The following PHLDA1 variants were observed in gnomAD, a reference collection of about 807,000 sequenced individuals.
PHLDA1 encodes the protein pleckstrin homology-like domain family A member 1.
In PHLDA1, 28 loss-of-function variants were observed where a neutral mutation model predicts 33.8. That is an observed-to-expected ratio of 0.83 (90% CI 0.61 to 1.14). The LOEUF (loss-of-function observed/expected upper bound fraction) is 1.14. PHLDA1 is among the 50% of genes most tolerant of loss of function. PHLDA1 has a pLI of 0.00. For missense variants in PHLDA1, 595 were observed against 548.6 expected (o/e 1.08, Z -0.84); for synonymous variants, 271 against 243.6 (o/e 1.11, Z -1.05).
Position 76,031,351 on chromosome 12 carries a change from C to T in PHLDA1, c.391G>A (p.Glu131Lys), listed in dbSNP as rs778473496. Residue 131 changes from glutamate to lysine, a missense_variant, in exon 1 of 2, where the codon GAG (glutamate) becomes AAG (lysine). By Grantham distance (56) the Glu-to-Lys change is moderately conservative. Around this residue, in one of 3 missense-constraint regions of PHLDA1, gnomAD observed 263 missense variants for 232.3 expected, o/e 1.13. Coordinates refer to ENST00000266671, the Ensembl canonical transcript of PHLDA1. The surrounding 1 kb of genome is among the most constrained non-coding windows in gnomAD (Gnocchi z 5.4). Reference sequence around the variant, plus strand: ...GCATAAGAGGGGCCGCCGCTTGGCTCGGCCTCTCCGTTTCCAGCCGCGCGG... The same window carrying T: ...GCATAAGAGGGGCCGCCGCTTGGCTTGGCCTCTCCGTTTCCAGCCGCGCGG... 1 of 1,611,328 alleles carries T rather than the reference C, an allele frequency of 6.2e-7. No homozygotes were observed. The highest frequency in any genetic ancestry group is 1.1e-5 in the South Asian group (1 of 90,862).
In PHLDA1 at chr12:76,031,294, C is replaced by A. The variant is rs751337238; in HGVS notation, c.448G>T (p.Ala150Ser). Residue 150 changes from alanine (A) to serine (S), a missense_variant, in exon 1 of 2, where the codon GCG becomes TCG. By Grantham distance (99) the Ala-to-Ser change is moderately conservative. Coordinates refer to ENST00000266671, the Ensembl canonical transcript of PHLDA1. The surrounding 1 kb of genome is among the most constrained non-coding windows in gnomAD (Gnocchi z 5.4). ...TTCTCCAGCACGCCCTCCTTCAGCGCTTTGCAGCCGCTACTCTCCAGCATC... is the reference window on the plus strand; with the variant it reads ...TTCTCCAGCACGCCCTCCTTCAGCGATTTGCAGCCGCTACTCTCCAGCATC... The A allele has an allele frequency of 3.1e-6, 5 of 1,613,488 alleles. No homozygotes were observed. Among genetic ancestry groups the A allele is most frequent in the Non-Finnish European group, 3.4e-6 (4 of 1,179,874 alleles).
chr12:76,030,720 G>T, exon 1 of PHLDA1: 2 of 1,185,332 alleles, frequency 1.7e-6, no homozygotes, highest in Non-Finnish European at 2.5e-6. Context: ...CTGAGGCTTG[G>T]GTTGGGGCTG....
intron 1 of PHLDA1, 160 bp downstream of exon 1, chr12:76,030,350 C>T (rs1870864179): frequency 6.2e-6 from 4 of 643,974 alleles, no homozygotes; most frequent in South Asian, 4.0e-5. Context: ...GCCCAGCTCT[C>T]CTGGCCCCAG....
chr12:76,031,567 C>G lies in PHLDA1; in HGVS notation c.175G>C (p.Gly59Arg), dbSNP rs781720454. 4.5e-6 allele frequency: 7 copies of G among 1,567,658 alleles called. No homozygotes were observed. The highest frequency in any genetic ancestry group is 3.7e-5 in the Admixed American group (2 of 54,146). Residue 59 changes from glycine to arginine, a missense_variant, in exon 1 of 2, where the codon GGC becomes CGC. By Grantham distance (125) the Gly-to-Arg change is moderately radical. This residue lies in a region of PHLDA1 where 263 missense variants were observed against 232.3 expected (regional missense o/e 1.13). Coordinates refer to ENST00000266671, the Ensembl canonical transcript of PHLDA1. The surrounding 1 kb of genome is among the most constrained non-coding windows in gnomAD (Gnocchi z 5.4). The stretch of plus-strand genomic sequence containing the variant: ...GAGCTCCGAGCTGCCGGGCCTCTGC[C>G]GTCCTCTTGCGAGCGCTCACTGAAG...
At chr12:76,025,797 T>G (rs995253000) in exon 2 of PHLDA1, 4 of 152,234 alleles carry the variant, frequency 2.6e-5, no homozygotes, top group Non-Finnish European at 5.9e-5. Flanking sequence ...TGCAGAGCAG[T>G]GGAGAGTAGG....
exon 2 of PHLDA1, chr12:76,028,032 TG>T (rs1870814388): frequency 6.6e-6 from 1 of 151,984 alleles, no homozygotes; most frequent in Non-Finnish European, 1.5e-5. Flanking sequence ...GAAAAAACTG[TG>T]GTTCATTTGG....
At position 76,031,568 on chromosome 12, in the gene PHLDA1, G is replaced by A. The variant is rs1195476316; in HGVS notation, c.174C>T (p.Asp58=). ...AGCTCCGAGCTGCCGGGCCTCTGCCGTCCTCTTGCGAGCGCTCACTGAAGG... is the reference window on the plus strand; with the variant it reads ...AGCTCCGAGCTGCCGGGCCTCTGCCATCCTCTTGCGAGCGCTCACTGAAGG... Residue 58 remains aspartate (D), a synonymous_variant, in exon 1 of 2, where the codon GAC becomes GAT. Coordinates refer to ENST00000266671, the Ensembl canonical transcript of PHLDA1. The surrounding 1 kb of genome is among the most constrained non-coding windows in gnomAD (Gnocchi z 5.4). 12 of 1,568,952 alleles carry A rather than the reference G, an allele frequency of 7.6e-6. No homozygotes were observed. Among genetic ancestry groups the A allele is most frequent in the African/African-American group, 1.4e-5 (1 of 71,174 alleles).
In PHLDA1 at chr12:76,031,606, C is replaced by T. The variant is rs1870914019; in HGVS notation, c.136G>A (p.Ala46Thr). 2.5e-6 allele frequency: 4 copies of T among 1,572,098 alleles called. No individual in the cohort carries two copies. The highest frequency in any genetic ancestry group is 1.4e-5 in the African/African-American group (1 of 71,448). ...CGCTCACTGAAGGGCACTGGCCGGG[C>T]CCCCTCGCGGCGCTTTTGAATGGGC... Residue 46 changes from alanine to threonine, a missense_variant, in exon 1 of 2, where the codon GCC (alanine) becomes ACC (threonine). Physicochemically the swap from Ala to Thr is moderately conservative, Grantham distance 58. This residue lies in a region of PHLDA1 where 263 missense variants were observed against 232.3 expected (regional missense o/e 1.13). Coordinates refer to ENST00000266671, the Ensembl canonical transcript of PHLDA1. The surrounding 1 kb of genome is among the most constrained non-coding windows in gnomAD (Gnocchi z 5.4).
exon 2 of PHLDA1, chr12:76,028,260 A>G (rs1230652767): frequency 6.6e-6 from 1 of 152,194 alleles, no homozygotes; most frequent in African/African-American, 2.4e-5. Context: ...ACATATTCAT[A>G]TATGTGTATA....
At chr12:76,030,687 G>A in exon 1 of PHLDA1, 1 of 1,159,172 alleles carries the variant, frequency 8.6e-7, no homozygotes, top group Non-Finnish European at 1.3e-6. Context: ...ATGTGGATGC[G>A]GATACGGGTG....
chr12:76,031,145 CTGCTGCTGCTGT>C lies in PHLDA1; in HGVS notation c.585_596del (p.Gln201_Gln204del), dbSNP rs771951057. Reference sequence around the variant, plus strand: ...CCTGCCCGGGCTGTTGTTGCTGCTGCTGCTGCTGCTGTTGCTGCTGCTGCTGCTGGTGTTGCA... The same window carrying C: ...CCTGCCCGGGCTGTTGTTGCTGCTGCTGCTGCTGCTGCTGCTGGTGTTGCA... On this transcript the variant is annotated inframe_deletion, in exon 1 of 2. Transcript: ENST00000266671. This position sits in a 1 kb window ranked among gnomAD's most constrained non-coding sequence, Gnocchi z 5.4. The C allele has an allele frequency of 2.7e-6, 4 of 1,489,098 alleles. No individual in the cohort carries two copies. In the South Asian group the frequency reaches 4.6e-5, roughly 17 times the overall value. The allele number at this position is 1,489,098 out of a possible 1,614,324, so 92.2% of individuals were successfully genotyped here.
Position 76,031,153 on chromosome 12 carries a change from G to C in PHLDA1, c.589C>G (p.Gln197Glu). Residue 197 changes from glutamine (Q) to glutamate (E), a missense_variant, in exon 1 of 2, where the codon CAG becomes GAG. Around this residue, in one of 3 missense-constraint regions of PHLDA1, gnomAD observed 328 missense variants for 295.7 expected, o/e 1.11. Transcript: ENST00000266671. The surrounding 1 kb of genome is among the most constrained non-coding windows in gnomAD (Gnocchi z 5.4). ...GGCTGTTGTTGCTGCTGCTGCTGCT[G>C]CTGTTGCTGCTGCTGCTGCTGGTGT... 1 of 1,419,812 alleles carries C rather than the reference G, an allele frequency of 7.0e-7. No individual in the cohort carries two copies. Among genetic ancestry groups the C allele is most frequent in the Non-Finnish European group, 9.3e-7 (1 of 1,080,460 alleles). The allele number at this position is 1,419,812 out of a possible 1,614,324, so 88.0% of individuals were successfully genotyped here. A position where few individuals can be genotyped will look rare whatever the true frequency, so the allele number is the denominator to read the frequency against.
rs1870903150 is a variant in PHLDA1 at position 76,031,308 on chromosome 12, C to T, written c.434G>A (p.Ser145Asn). The change falls in exon 1 of 2, where the codon AGT (serine) becomes AAT (asparagine). Residue 145 changes from serine (S) to asparagine (N), a missense_variant. Ser to Asn is a conservative substitution (Grantham distance 46, BLOSUM62 1). Transcript: ENST00000266671. This position sits in a 1 kb window ranked among gnomAD's most constrained non-coding sequence, Gnocchi z 5.4. ...CTCCTTCAGCGCTTTGCAGCCGCTA[C>T]TCTCCAGCATCCTCCCAGCATAAGA... 6.2e-7 allele frequency: 1 copy of T among 1,613,676 alleles called. No individual in the cohort carries two copies. Among genetic ancestry groups the T allele is most frequent in the Non-Finnish European group, 8.5e-7 (1 of 1,179,882 alleles).
chr12:76,030,881 C>G (rs1870886993), exon 1 of PHLDA1: 1 of 1,612,144 alleles, frequency 6.2e-7, no homozygotes. Context: ...CCAGGATGGC[C>G]TGACGATTCT....
exon 2 of PHLDA1, chr12:76,025,674 G>A (rs144470255): frequency 1.3e-4 from 20 of 152,206 alleles, no homozygotes; most frequent in South Asian, 4.1e-4. Context: ...GGCTGACCTC[G>A]GAATGTAACA....
exon 2 of PHLDA1, chr12:76,028,253 T>C (rs1162174011): frequency 6.6e-6 from 1 of 152,208 alleles, no homozygotes; most frequent in African/African-American, 2.4e-5. Context: ...TATACATACA[T>C]ATTCATATAT....
rs1183069932 is a variant in PHLDA1 at position 76,031,572 on chromosome 12, T to C, written c.170A>G (p.Glu57Gly). Residue 57 changes from glutamate to glycine, a missense_variant, in exon 1 of 2, where the codon GAG becomes GGG. Glu to Gly is a moderately conservative substitution (Grantham distance 98). This residue lies in a region of PHLDA1 where 263 missense variants were observed against 232.3 expected (regional missense o/e 1.13). Transcript: ENST00000266671. The surrounding 1 kb of genome is among the most constrained non-coding windows in gnomAD (Gnocchi z 5.4). ...CCGAGCTGCCGGGCCTCTGCCGTCC[T>C]CTTGCGAGCGCTCACTGAAGGGCAC... 1.6e-5 allele frequency: 25 copies of C among 1,572,644 alleles called. No homozygotes were observed. Among genetic ancestry groups the C allele is most frequent in the Non-Finnish European group, 2.0e-5 (23 of 1,162,114 alleles).
At chr12:76,028,459 G>A (rs548129918) in exon 2 of PHLDA1, 1 of 152,206 alleles carries the variant, frequency 6.6e-6, no homozygotes, top group African/African-American at 2.4e-5. Context: ...TTTAACTATT[G>A]CACTAAAAAG....
In PHLDA1 at chr12:76,031,328, A is replaced by G; in HGVS notation, c.414T>C (p.Tyr138=). Residue 138 remains tyrosine, a synonymous_variant, in exon 1 of 2, where the codon TAT becomes TAC. Coordinates refer to ENST00000266671, the Ensembl canonical transcript of PHLDA1. This position sits in a 1 kb window ranked among gnomAD's most constrained non-coding sequence, Gnocchi z 5.4. ...CGCTACTCTCCAGCATCCTCCCAGC[A>G]TAAGAGGGGCCGCCGCTTGGCTCGG... 1.2e-6 allele frequency: 2 copies of G among 1,612,988 alleles called. No homozygotes were observed. Among genetic ancestry groups the G allele is most frequent in the Non-Finnish European group, 1.7e-6 (2 of 1,179,732 alleles).
Sources: allele counts gnomAD v4.1 joint callset, GRCh38; gene constraint gnomAD v4.1.1; regional missense constraint gnomAD v4.1.1; non-coding constraint Gnocchi (gnomAD v3.1); transcripts MANE v1.5; gene names NCBI Gene and HGNC (gene_info 2026-07-23, HGNC 2026-07-21).